The following SEZ6L variants were observed in gnomAD, a reference collection of about 807,000 sequenced individuals.
SEZ6L encodes the protein seizure 6-like protein.
Under a neutral mutation model 106.2 loss-of-function variants are expected in SEZ6L, and 37 were observed. The observed-to-expected ratio is 0.35, with a 90% confidence interval of 0.27 to 0.46. SEZ6L has a LOEUF of 0.46. Among genes scored for constraint, SEZ6L ranks in the 20% least tolerant of loss-of-function variants. The probability of loss-of-function intolerance (pLI) is 1.00; values close to 1 mark genes in which losing one functional copy is unlikely to be tolerated. For missense variants in SEZ6L, 1,172 were observed against 1,332.8 expected (o/e 0.88, Z 1.88); for synonymous variants, 541 against 570.4 (o/e 0.95, Z 0.73).
chr22:26,347,183 C>A (rs1360231183), intron 10 of SEZ6L, among the ~76,000 whole-genome samples: 1 of 145,778 alleles, frequency 6.9e-6, no homozygotes, highest in Non-Finnish European at 1.5e-5. Context: ...GCAACAGAGA[C>A]CCTGCCTGTA....
At chr22:26,236,904 T>A (rs887729343) in intron 1 of SEZ6L, among the ~76,000 whole-genome samples, 5 of 152,098 alleles carry the variant, frequency 3.3e-5, no homozygotes, top group Non-Finnish European at 1.5e-5. Flanking sequence ...ACAGTCCCCC[T>A]AACACACCAG....
Position 26,206,661 on chromosome 22 carries a change from G to A in SEZ6L, c.94+36898G>A, listed in dbSNP as rs543584992. 2.6e-5 allele frequency among the ~76,000 whole-genome samples: 4 copies of A among 152,314 alleles called. No individual in the cohort carries two copies. In the East Asian group the frequency reaches 7.7e-4, roughly 29 times the overall value. On this transcript the variant is annotated intron_variant, in intron 1 of 16. Transcript: ENST00000248933. ...GCACAGAATGGCCCTTGTCTGTGACGAAACAGTGAGATGGTCTAGACATCC... is the reference window on the plus strand; with the variant it reads ...GCACAGAATGGCCCTTGTCTGTGACAAAACAGTGAGATGGTCTAGACATCC...
intron 1 of SEZ6L, among the ~76,000 whole-genome samples, chr22:26,175,816 T>C (rs1334605344): frequency 6.6e-6 from 1 of 152,224 alleles, no homozygotes; most frequent in East Asian, 1.9e-4. Context: ...TATCTATGAG[T>C]CTCAATTTTT....
chr22:26,324,033 C>T (rs2082229635), intron 9 of SEZ6L, among the ~76,000 whole-genome samples: 1 of 150,398 alleles, frequency 6.6e-6, no homozygotes, highest in Admixed American at 6.7e-5. Context: ...GGACTTGAAC[C>T]CAGGTCTCTA....
rs1957146757 is a variant in SEZ6L, at chr22:26,266,747, A to G, written c.95-25659A>G. Among the ~76,000 whole-genome samples, 8 of 152,156 alleles carry G rather than the reference A, an allele frequency of 5.3e-5. No individual in the cohort carries two copies. The South Asian group carries it at 1.7e-3, about 32-fold the overall frequency. On this transcript the variant is annotated intron_variant, in intron 1 of 16. Coordinates refer to ENST00000248933, the MANE Select transcript of SEZ6L (RefSeq NM_021115.5). ...CTGACTTTCTTTCTAGACTTAGGGCAGAGACCAGGTCAGTTCTGTTTCTAT... is the reference window on the plus strand; with the variant it reads ...CTGACTTTCTTTCTAGACTTAGGGCGGAGACCAGGTCAGTTCTGTTTCTAT...
Position 26,319,334 on chromosome 22 carries a change from A to T in SEZ6L, c.2015+5432A>T, listed in dbSNP as rs528933800. ...CTTCTGCCCCCTCTTTTTAACCAAC[A>T]CTCAGTGATCCTGTTACAACCGAAG... On this transcript the variant is annotated intron_variant, in intron 9 of 16. Transcript: ENST00000248933. Among the ~76,000 whole-genome samples, 5 of 151,990 alleles carry T rather than the reference A, an allele frequency of 3.3e-5. No homozygotes were observed. The South Asian group carries it at 1.0e-3, about 32-fold the overall frequency.
intron 1 of SEZ6L, among the ~76,000 whole-genome samples, chr22:26,233,395 C>T (rs2078860768): frequency 6.6e-6 from 1 of 151,792 alleles, no homozygotes; most frequent in East Asian, 1.9e-4. Flanking sequence ...GGAGGAGCCT[C>T]CCCGAAGTCC....
intron 4 of SEZ6L, among the ~76,000 whole-genome samples, chr22:26,297,353 A>G (rs2081330917): frequency 6.6e-6 from 1 of 152,240 alleles, no homozygotes; most frequent in Non-Finnish European, 1.5e-5. Flanking sequence ...AATGTCTTCT[A>G]GTAGTTCTTA....
intron 1 of SEZ6L, among the ~76,000 whole-genome samples, chr22:26,260,148 T>A (rs1051145272): frequency 4.7e-4 from 72 of 152,306 alleles, no homozygotes; most frequent in African/African-American, 1.7e-3. Context: ...ATTTTTTTTT[T>A]ATTTCCATAG....
At chr22:26,293,266 T>C (rs2081197834) in intron 2 of SEZ6L, 120 bp downstream of exon 2, 4 of 1,350,856 alleles carry the variant, frequency 3.0e-6, no homozygotes, top group Non-Finnish European at 3.9e-6. Flanking sequence ...TACCGTCCAT[T>C]GAGCACTGAC....
At chr22:26,252,091 T>A (rs1371006828) in intron 1 of SEZ6L, among the ~76,000 whole-genome samples, 1 of 152,132 alleles carries the variant, frequency 6.6e-6, no homozygotes, top group Non-Finnish European at 1.5e-5. Context: ...TGGGAGCTAG[T>A]TAGAAATGCA....
intron 4 of SEZ6L, among the ~76,000 whole-genome samples, 151 bp from the exon 5 acceptor site, chr22:26,298,831 AAG>A (rs2081371346): frequency 6.6e-6 from 1 of 152,144 alleles, no homozygotes; most frequent in African/African-American, 2.4e-5. Flanking sequence ...GATATGATCA[AAG>A]AGAGTCACAA....
At chr22:26,281,762 A>G (rs2080777815) in intron 1 of SEZ6L, among the ~76,000 whole-genome samples, 1 of 152,120 alleles carries the variant, frequency 6.6e-6, no homozygotes, top group African/African-American at 2.4e-5. Context: ...TAAATTATGT[A>G]TCCTTTGACC....
At chr22:26,379,002 C>T (rs1297358212) in intron 16 of SEZ6L, among the ~76,000 whole-genome samples, 1 of 152,186 alleles carries the variant, frequency 6.6e-6, no homozygotes, top group Non-Finnish European at 1.5e-5. Flanking sequence ...CTTAGCCTGA[C>T]CCCCTGCTTT....
chr22:26,246,937 T>C (rs944208419), intron 1 of SEZ6L, among the ~76,000 whole-genome samples: 1 of 152,202 alleles, frequency 6.6e-6, no homozygotes, highest in Non-Finnish European at 1.5e-5. Flanking sequence ...ATTTGAACTA[T>C]GTGAAATTCT....
intron 13 of SEZ6L, among the ~76,000 whole-genome samples, chr22:26,370,102 G>T (rs1326765387): frequency 6.6e-6 from 1 of 152,198 alleles, no homozygotes; most frequent in Non-Finnish European, 1.5e-5. Flanking sequence ...AAGAAACCTT[G>T]GCCGGCGCGG....
At chr22:26,350,146 C>A (rs984597060) in intron 11 of SEZ6L, among the ~76,000 whole-genome samples, 2 of 150,784 alleles carry the variant, frequency 1.3e-5, no homozygotes, top group Non-Finnish European at 1.5e-5. Flanking sequence ...GGTCTTTGGA[C>A]CCTGATGCAA....
At chr22:26,187,581 A>G (rs17372172) in intron 1 of SEZ6L, among the ~76,000 whole-genome samples, 2,362 of 152,330 alleles carry the variant, frequency 0.016, 66 homozygotes, top group South Asian at 0.12. Context: ...TGCCGTCTTA[A>G]ACATGGCTGG....
intron 1 of SEZ6L, among the ~76,000 whole-genome samples, chr22:26,231,705 C>T (rs1034249504): frequency 4.6e-5 from 7 of 152,236 alleles, no homozygotes; most frequent in Non-Finnish European, 8.8e-5. Context: ...TCATCACCCG[C>T]CCTGCCTTGG....
Sources: gnomAD v4.1 joint callset for allele counts (sites outside exome capture counted in the v4.1 genomes callset) on GRCh38, gnomAD v4.1.1 for gene constraint, MANE v1.5 for transcripts, NCBI Gene and HGNC (gene_info 2026-07-23, HGNC 2026-07-21) for gene names.